The following TCEANC2 variants were observed in gnomAD, a reference collection of about 807,000 sequenced individuals.
TCEANC2 encodes transcription elongation factor A N-terminal and central domain containing 2, also known as transcription elongation factor A N-terminal and central domain-containing protein 2.
In TCEANC2, 20 loss-of-function variants were observed where a neutral mutation model predicts 22.8. The observed-to-expected ratio is 0.88, with a 90% CI of 0.62 to 1.28. The LOEUF (loss-of-function observed/expected upper bound fraction) is 1.28. Ranked by LOEUF, TCEANC2 falls within the 50% of genes most tolerant of loss-of-function variation. The pLI, the probability that TCEANC2 is intolerant of heterozygous loss-of-function variation, is 0.00. For missense variants in TCEANC2, 251 were observed against 249.7 expected (o/e 1.01, Z -0.03); for synonymous variants, 84 against 95.5 (o/e 0.88, Z 0.70).
At chr1:54,065,139 A>G (rs1367478733) in intron 2 of TCEANC2, among the ~76,000 whole-genome samples, 1 of 152,246 alleles carries the variant, frequency 6.6e-6, no homozygotes, top group Non-Finnish European at 1.5e-5. Flanking sequence ...AGAACAGGTA[A>G]GTTTGGAGAA....
intron 4 of TCEANC2, among the ~76,000 whole-genome samples, chr1:54,095,995 G>A (rs1658539818): frequency 2.0e-5 from 3 of 152,140 alleles, no homozygotes; most frequent in East Asian, 1.9e-4. Flanking sequence ...TCGTTTCCTG[G>A]TTGGTAAAGT....
intron 2 of TCEANC2, among the ~76,000 whole-genome samples, chr1:54,056,582 C>A (rs1437959949): frequency 2.6e-5 from 4 of 152,094 alleles, no homozygotes; most frequent in Admixed American, 2.0e-4. Flanking sequence ...ACCTCGGCCT[C>A]CCAAAGTGCT....
At chr1:54,074,082 C>A (rs1454321910) in intron 3 of TCEANC2, among the ~76,000 whole-genome samples, 1 of 152,098 alleles carries the variant, frequency 6.6e-6, no homozygotes, top group Non-Finnish European at 1.5e-5. Flanking sequence ...CAACAGAATG[C>A]TAGAAATACA....
intron 3 of TCEANC2, among the ~76,000 whole-genome samples, chr1:54,081,056 A>G (rs1008514695): frequency 6.6e-6 from 1 of 152,176 alleles, no homozygotes; most frequent in African/African-American, 2.4e-5. Context: ...GACTGCTTAT[A>G]TATGAAACCT....
At chr1:54,067,924 AT>A in intron 2 of TCEANC2, among the ~76,000 whole-genome samples, 1 of 152,282 alleles carries the variant, frequency 6.6e-6, no homozygotes, top group African/African-American at 2.4e-5. Flanking sequence ...CCAAGATGAG[AT>A]TTTTTTGTGT....
At position 54,102,485 on chromosome 1, in the gene TCEANC2, G is replaced by A. The variant is rs1229405108; in HGVS notation, c.*6012G>A. On this transcript the variant is annotated 3_prime_UTR_variant, in exon 5 of 5. Transcript: ENST00000234827. The stretch of plus-strand genomic sequence containing the variant: ...TCAAGTTGACCATGTGACCAAAGCT[G>A]TTCATCATGAGCTGGATTCTGCCAT... 3.3e-5 allele frequency: 5 copies of A among 152,228 alleles called. No individual in the cohort carries two copies. Among genetic ancestry groups the A allele is most frequent in the African/African-American group, 1.2e-4 (5 of 41,454 alleles). The allele number at this position is 152,228 out of a possible 1,614,324, so 9.4% of individuals were successfully genotyped here.
At chr1:54,064,136 A>G (rs1401444172) in intron 2 of TCEANC2, among the ~76,000 whole-genome samples, 2 of 152,260 alleles carry the variant, frequency 1.3e-5, no homozygotes, top group Admixed American at 6.5e-5. Context: ...CAGAAATTAC[A>G]AAGTCTATAA....
chr1:54,110,714 C>T (rs372370926), downstream of TCEANC2, among the ~76,000 whole-genome samples: 149 of 152,318 alleles, frequency 9.8e-4, 4 homozygotes, highest in South Asian at 0.029. Context: ...TCCTCCGTGT[C>T]CTGGCCTCTG....
At chr1:54,082,546 T>G (rs971913859) in intron 3 of TCEANC2, among the ~76,000 whole-genome samples, 4 of 152,190 alleles carry the variant, frequency 2.6e-5, no homozygotes, top group Non-Finnish European at 4.4e-5. Context: ...TTTACAGTTT[T>G]GAGGATAAGA....
intron 4 of TCEANC2, among the ~76,000 whole-genome samples, chr1:54,091,221 G>A (rs796806842): frequency 2.0e-5 from 3 of 150,916 alleles, no homozygotes; most frequent in African/African-American, 7.3e-5. Flanking sequence ...AGTTTGTTAT[G>A]TCAGAGAATA....
At chr1:54,093,823 C>T (rs1225394053) in intron 4 of TCEANC2, among the ~76,000 whole-genome samples, 4 of 149,902 alleles carry the variant, frequency 2.7e-5, no homozygotes, top group South Asian at 2.1e-4. Flanking sequence ...TCTTTGATAA[C>T]GACTCCCCTC....
chr1:54,081,484 C>T (rs1489579996), intron 3 of TCEANC2, among the ~76,000 whole-genome samples: 2 of 152,088 alleles, frequency 1.3e-5, no homozygotes, highest in Admixed American at 1.3e-4. Flanking sequence ...TGCACTCAAG[C>T]GATCCTCCTG....
chr1:54,097,846 A>G lies in TCEANC2; in HGVS notation c.*1373A>G, dbSNP rs1299193974. The G allele has an allele frequency of 1.3e-5, 2 of 152,200 alleles. No individual in the cohort carries two copies. Among genetic ancestry groups the G allele is most frequent in the Non-Finnish European group, 2.9e-5 (2 of 68,034 alleles). 9.4% of individuals were successfully genotyped at this position (152,200 alleles called of 1,614,324 possible). A position where few individuals can be genotyped will look rare whatever the true frequency, so the allele number is the denominator to read the frequency against. On this transcript the variant is annotated 3_prime_UTR_variant, in exon 5 of 5. Transcript: ENST00000234827. ...CTTCAATTTCCTACTGCTAGTAACT[A>G]TTGGAGCTAGAATAATAATAATCGA...
intron 3 of TCEANC2, among the ~76,000 whole-genome samples, chr1:54,069,945 C>G (rs1321137328): frequency 6.6e-6 from 1 of 152,168 alleles, no homozygotes; most frequent in Non-Finnish European, 1.5e-5. Flanking sequence ...GAGTCCAGGA[C>G]AGTCATTCAC....
At chr1:54,093,833 CAA>C (rs879716828) in intron 4 of TCEANC2, among the ~76,000 whole-genome samples, 1 of 140,488 alleles carries the variant, frequency 7.1e-6, no homozygotes. Context: ...CGACTCCCCT[CAA>C]AAAAAAAAAG....
intron 2 of TCEANC2, among the ~76,000 whole-genome samples, chr1:54,056,946 C>G (rs1657762750): frequency 6.6e-6 from 1 of 151,342 alleles, no homozygotes; most frequent in Non-Finnish European, 1.5e-5. Context: ...GGAGGCTGAG[C>G]TGGGAGGATT....
chr1:54,065,994 C>G (rs777083934), intron 2 of TCEANC2, among the ~76,000 whole-genome samples: 24 of 151,502 alleles, frequency 1.6e-4, no homozygotes, highest in Non-Finnish European at 3.1e-4. Flanking sequence ...ATTGCTTGAA[C>G]AGGTTGGGGG....
chr1:54,088,682 C>T lies in TCEANC2; in HGVS notation c.330C>T (p.Phe110=). ...AREVYTEWKT[F]TEKHSNRPSI... The stretch of plus-strand genomic sequence containing the variant: ...AAGTTTACACTGAGTGGAAAACTTT[C>T]ACTGAAAAACATTCAAATAGACCTT... The change falls in exon 4 of 5, where the codon TTC becomes TTT. Residue 110 remains phenylalanine (F), a synonymous_variant. Transcript: ENST00000234827. 1 of 1,611,330 alleles carries T rather than the reference C, an allele frequency of 6.2e-7. No individual in the cohort carries two copies. Among genetic ancestry groups the T allele is most frequent in the Non-Finnish European group, 8.5e-7 (1 of 1,179,170 alleles).
chr1:54,076,238 A>G (rs1454861410), intron 3 of TCEANC2, among the ~76,000 whole-genome samples: 1 of 152,042 alleles, frequency 6.6e-6, no homozygotes, highest in Non-Finnish European at 1.5e-5. Flanking sequence ...TTTTCTGCTC[A>G]TTACCCTTCT....
Sources: gnomAD v4.1 joint callset for allele counts (sites outside exome capture counted in the v4.1 genomes callset) on GRCh38, gnomAD v4.1.1 for gene constraint, MANE v1.5 for transcripts, NCBI Gene and HGNC (gene_info 2026-07-23, HGNC 2026-07-21) for gene names.